Variants in SAMD5 observed in about 807,000 individuals in gnomAD.
SAMD5 encodes the protein sterile alpha motif domain containing 5, also known as sterile alpha motif domain-containing protein 5.
Under a neutral mutation model 11.3 loss-of-function variants are expected in SAMD5, and 13 were observed. The observed-to-expected ratio is 1.15, with a 90% CI of 0.75 to 1.83. The LOEUF (loss-of-function observed/expected upper bound fraction) is 1.83. SAMD5 is among the 40% of genes most tolerant of loss of function. The pLI is 0.00. For missense variants in SAMD5, 255 were observed against 239.1 expected (o/e 1.07, Z -0.44); for synonymous variants, 129 against 111.3 (o/e 1.16, Z -1.00).
intron 1 of SAMD5, among the ~76,000 whole-genome samples, chr6:147,732,505 A>G (rs1186640653): frequency 1.4e-4 from 22 of 152,286 alleles, no homozygotes; most frequent in Non-Finnish European, 1.8e-4. Flanking sequence ...TTCTTACGTA[A>G]GTCTATGGGA....
At chr6:147,676,566 A>G (rs1352005112) in intron 1 of SAMD5, among the ~76,000 whole-genome samples, 1 of 152,112 alleles carries the variant, frequency 6.6e-6, no homozygotes, top group African/African-American at 2.4e-5. Flanking sequence ...TGGAAGGTGA[A>G]TTCAACGAGG....
At chr6:147,628,112 CTTGT>C (rs1354100950) in intron 1 of SAMD5, among the ~76,000 whole-genome samples, 1 of 152,102 alleles carries the variant, frequency 6.6e-6, no homozygotes, top group Non-Finnish European at 1.5e-5. Context: ...GGTAGGTTTG[CTTGT>C]TTGTTTTCCC....
the SAMD5 span, among the ~76,000 whole-genome samples, chr6:147,825,751 T>C: frequency 6.6e-6 from 1 of 152,244 alleles, no homozygotes; most frequent in African/African-American, 2.4e-5. Context: ...ACGATTTCTC[T>C]GCCTTGTGAA....
downstream of SAMD5, among the ~76,000 whole-genome samples, chr6:147,573,016 G>T (rs1789159198): frequency 6.6e-6 from 1 of 152,294 alleles, no homozygotes; most frequent in East Asian, 1.9e-4. Flanking sequence ...ATCCCACAAA[G>T]CTGCTGAGAA....
At chr6:147,632,550 T>C (rs1790166993) in intron 1 of SAMD5, among the ~76,000 whole-genome samples, 2 of 152,094 alleles carry the variant, frequency 1.3e-5, no homozygotes, top group Non-Finnish European at 2.9e-5. Flanking sequence ...TGAGGGCCTC[T>C]AAAAGTATTA....
At chr6:147,725,645 T>C (rs1791615909) in intron 1 of SAMD5, among the ~76,000 whole-genome samples, 1 of 152,182 alleles carries the variant, frequency 6.6e-6, no homozygotes. Flanking sequence ...CGCCTTGGCC[T>C]CCCAAAGTTC....
At chr6:147,749,529 G>C in the SAMD5 span, among the ~76,000 whole-genome samples, 18 of 152,208 alleles carry the variant, frequency 1.2e-4, 1 homozygote, top group South Asian at 3.5e-3. Context: ...CTCTTGTTGG[G>C]GATGATGTCA....
chr6:147,539,994 A>G (rs1341988846), intron 1 of SAMD5, among the ~76,000 whole-genome samples: 1 of 152,212 alleles, frequency 6.6e-6, no homozygotes, highest in African/African-American at 2.4e-5. Context: ...ACTAATTTGC[A>G]TAATTACTTT....
chr6:147,915,670 C>T, the SAMD5 span, among the ~76,000 whole-genome samples: 7 of 152,188 alleles, frequency 4.6e-5, no homozygotes, highest in East Asian at 1.3e-3. Context: ...GTTATCGTTA[C>T]ATCAACTGCT....
chr6:147,819,774 G>A, the SAMD5 span, among the ~76,000 whole-genome samples: 1 of 152,226 alleles, frequency 6.6e-6, no homozygotes, highest in African/African-American at 2.4e-5. Context: ...CCGAGGCAGG[G>A]ATTGGGGCTC....
At chr6:147,927,320 G>T in the SAMD5 span, among the ~76,000 whole-genome samples, 4 of 152,088 alleles carry the variant, frequency 2.6e-5, no homozygotes, top group Non-Finnish European at 5.9e-5. Context: ...CCATTTGTTT[G>T]TATCAGTTCT....
the SAMD5 span, among the ~76,000 whole-genome samples, chr6:147,879,777 C>T: frequency 6.6e-6 from 1 of 152,112 alleles, no homozygotes; most frequent in Non-Finnish European, 1.5e-5. Flanking sequence ...TAAGCATGTT[C>T]ACCTAGAAAC....
At chr6:147,686,732 G>A (rs966946888) in intron 1 of SAMD5, among the ~76,000 whole-genome samples, 6 of 150,186 alleles carry the variant, frequency 4.0e-5, no homozygotes, top group African/African-American at 4.9e-5. Context: ...CTCACTCAAC[G>A]TATTTATTTA....
chr6:147,657,337 G>C (rs1266242676), intron 1 of SAMD5, among the ~76,000 whole-genome samples: 1 of 152,120 alleles, frequency 6.6e-6, no homozygotes, highest in Non-Finnish European at 1.5e-5. Context: ...GTTGATAACT[G>C]TACTGTGGCC....
At chr6:147,692,622 C>G (rs1466283726) in intron 1 of SAMD5, 1 of 152,212 alleles carries the variant, frequency 6.6e-6, no homozygotes, top group Non-Finnish European at 1.5e-5. Context: ...AGTCCATTCT[C>G]TAAATCATGA....
the SAMD5 span, among the ~76,000 whole-genome samples, chr6:147,804,920 A>T: frequency 6.6e-6 from 1 of 152,378 alleles, no homozygotes; most frequent in Middle Eastern, 3.4e-3. Context: ...AAGAATTGTT[A>T]CAAACAAGAA....
At chr6:147,663,546 C>T (rs1790674625) in intron 1 of SAMD5, among the ~76,000 whole-genome samples, 1 of 151,842 alleles carries the variant, frequency 6.6e-6, no homozygotes, top group South Asian at 2.1e-4. Context: ...CTTTGGGAGG[C>T]CGAGGAGGTG....
the SAMD5 span, among the ~76,000 whole-genome samples, chr6:147,818,340 G>A: frequency 6.6e-6 from 1 of 152,176 alleles, no homozygotes; most frequent in African/African-American, 2.4e-5. Context: ...GGAAACTTTT[G>A]GGAAAGATGC....
the SAMD5 span, among the ~76,000 whole-genome samples, chr6:147,856,819 CGCGGG>C: frequency 0.16 from 20,588 of 128,236 alleles, 1,798 homozygotes; most frequent in Middle Eastern, 0.22. Context: ...TTTCTGGGGG[CGCGGG>C]GGGGGGGGGA....
Sources: allele counts gnomAD v4.1 joint callset (sites outside exome capture counted in the v4.1 genomes callset), GRCh38; gene constraint gnomAD v4.1.1; transcripts MANE v1.5; gene names NCBI Gene and HGNC (gene_info 2026-07-23, HGNC 2026-07-21).